The following FBXO42 variants were observed in gnomAD, a reference collection of about 807,000 sequenced individuals.
FBXO42 encodes the protein F-box only protein 42.
FBXO42 carries 12 observed loss-of-function variants against 71.7 expected under a neutral mutation model. The ratio of observed to expected loss-of-function variants is 0.17; its 90% CI spans 0.11 to 0.27. FBXO42 has a LOEUF of 0.27. Among genes scored for constraint, FBXO42 ranks in the 10% least tolerant of loss-of-function variants. FBXO42 has a pLI of 1.00. For synonymous variants in FBXO42, 325 were observed against 327.5 expected, an observed-to-expected ratio of 0.99 and a Z score of 0.08; for missense variants, 707 against 911.9, an observed-to-expected ratio of 0.78 and a Z score of 2.89.
intron 1 of FBXO42, among the ~76,000 whole-genome samples, chr1:16,329,764 A>G (rs2100605776): frequency 6.6e-6 from 1 of 152,126 alleles, no homozygotes; most frequent in Middle Eastern, 3.4e-3. Context: ...CCTGGCCAAC[A>G]TAGTGAAACC....
chr1:16,349,261 C>T (rs1452136724), intron 1 of FBXO42, among the ~76,000 whole-genome samples: 1 of 152,170 alleles, frequency 6.6e-6, no homozygotes, highest in Non-Finnish European at 1.5e-5. Context: ...CCTTCCTTGA[C>T]TCTCTTGGTT....
chr1:16,338,630 A>G (rs1391375900), intron 1 of FBXO42, among the ~76,000 whole-genome samples: 1 of 151,974 alleles, frequency 6.6e-6, no homozygotes, highest in African/African-American at 2.4e-5. Context: ...GCATGGTAAA[A>G]ACAGTGTTTC....
At chr1:16,298,355 T>A (rs937787866) in intron 3 of FBXO42, among the ~76,000 whole-genome samples, 1 of 152,178 alleles carries the variant, frequency 6.6e-6, no homozygotes, top group African/African-American at 2.4e-5. Context: ...ACTCCAGATA[T>A]CCTGGTCCTC....
At chr1:16,339,288 C>T (rs1319808243) in intron 1 of FBXO42, among the ~76,000 whole-genome samples, 2 of 152,018 alleles carry the variant, frequency 1.3e-5, no homozygotes, top group African/African-American at 2.4e-5. Context: ...GACACAATGT[C>T]ACACTATTTC....
At chr1:16,279,003 C>T (rs1245433683) in intron 4 of FBXO42, among the ~76,000 whole-genome samples, 2 of 152,026 alleles carry the variant, frequency 1.3e-5, no homozygotes, top group African/African-American at 2.4e-5. Flanking sequence ...CTCGAACTCC[C>T]GACCTCAGGT....
chr1:16,319,071 C>G (rs1197288774), intron 1 of FBXO42, among the ~76,000 whole-genome samples: 1 of 152,212 alleles, frequency 6.6e-6, no homozygotes, highest in African/African-American at 2.4e-5. Flanking sequence ...CCCCACTTTA[C>G]AAATTTCCAG....
chr1:16,281,458 C>A (rs983933140), intron 4 of FBXO42, among the ~76,000 whole-genome samples: 1 of 150,046 alleles, frequency 6.7e-6, no homozygotes, highest in African/African-American at 2.5e-5. Flanking sequence ...TATTTCTTTT[C>A]TTTTTCTTTT....
chr1:16,317,559 C>T (rs1361607707), intron 1 of FBXO42, among the ~76,000 whole-genome samples: 2 of 151,974 alleles, frequency 1.3e-5, no homozygotes, highest in African/African-American at 4.8e-5. Flanking sequence ...CTGGCCACTG[C>T]ACTCCAGCCT....
At chr1:16,253,036 G>C (rs1353139284) in intron 8 of FBXO42, 60 bp downstream of exon 8, 3 of 1,450,104 alleles carry the variant, frequency 2.1e-6, no homozygotes, top group Non-Finnish European at 2.9e-6. Context: ...GAAGACAGGG[G>C]AAACAGGTTT....
intron 1 of FBXO42, among the ~76,000 whole-genome samples, chr1:16,349,285 T>TTCTTAACACTACATAGCACTTAACG (rs1386256704): frequency 6.6e-6 from 1 of 151,978 alleles, no homozygotes; most frequent in Non-Finnish European, 1.5e-5. Flanking sequence ...TTCAGTGCAC[T>TTCTTAACACTACATAGCACTTAACG]TCTTAACACT....
intron 1 of FBXO42, among the ~76,000 whole-genome samples, chr1:16,338,541 T>C (rs1313429693): frequency 6.6e-6 from 1 of 152,124 alleles, no homozygotes. Flanking sequence ...CTAACTGTTC[T>C]GACTCTAGCC....
intron 2 of FBXO42, 101 bp downstream of exon 2, chr1:16,315,068 C>T (rs2082350730): frequency 1.2e-5 from 16 of 1,308,104 alleles, no homozygotes; most frequent in Middle Eastern, 2.6e-4. Flanking sequence ...GATTTTATAA[C>T]CATAATACAT....
chr1:16,304,838 A>G (rs940169755), intron 3 of FBXO42, among the ~76,000 whole-genome samples: 32 of 152,224 alleles, frequency 2.1e-4, no homozygotes, highest in Middle Eastern at 3.4e-3. Context: ...GTGTGGTGGC[A>G]CACACCAGTA....
intron 4 of FBXO42, among the ~76,000 whole-genome samples, chr1:16,269,171 T>G (rs2081811478): frequency 6.7e-6 from 1 of 149,638 alleles, no homozygotes. Flanking sequence ...GTGGTGCAAT[T>G]TCAGCTCCTG....
In FBXO42 at chr1:16,248,748, C is replaced by T. The variant is rs1255436945; in HGVS notation, c.*1922G>A. ...TTGGCAACAGCACCAGAGCCTGAGT[C>T]GCGAAAGGGAAGTGTGGAGCTCCAA... On this transcript the variant is annotated 3_prime_UTR_variant, in exon 10 of 10. Coordinates refer to ENST00000375592, the MANE Select transcript of FBXO42 (RefSeq NM_018994.3). 1.3e-5 allele frequency: 2 copies of T among 152,210 alleles called. No individual in the cohort carries two copies. Among genetic ancestry groups the T allele is most frequent in the African/African-American group, 4.8e-5 (2 of 41,444 alleles). 9.4% of individuals were successfully genotyped at this position (152,210 alleles called of 1,614,324 possible). A position where few individuals can be genotyped will look rare whatever the true frequency, so the allele number is the denominator to read the frequency against.
At chr1:16,352,021 A>T (rs1192597821) in intron 1 of FBXO42, among the ~76,000 whole-genome samples, 2 of 152,110 alleles carry the variant, frequency 1.3e-5, no homozygotes, top group Non-Finnish European at 2.9e-5. Flanking sequence ...CCTGCTGAGG[A>T]GAGGGGGTGG....
chr1:16,299,031 G>A (rs893262315), intron 3 of FBXO42, among the ~76,000 whole-genome samples: 10 of 150,808 alleles, frequency 6.6e-5, no homozygotes, highest in Admixed American at 5.3e-4. Flanking sequence ...TTTTTTCCTC[G>A]AGACAGAGTC....
At chr1:16,338,804 C>CTTTTTTTTTT (rs71574177) in intron 1 of FBXO42, among the ~76,000 whole-genome samples, 54 of 80,962 alleles carry the variant, frequency 6.7e-4, no homozygotes, top group Non-Finnish European at 9.0e-4. Flanking sequence ...TTCCATTTGT[C>CTTTTTTTTTT]TTTTTTTTTT....
chr1:16,341,925 C>G (rs865897117), intron 1 of FBXO42, among the ~76,000 whole-genome samples: 1 of 143,360 alleles, frequency 7.0e-6, no homozygotes, highest in Admixed American at 7.3e-5. Context: ...GAGCCAAGAT[C>G]GCGTCATTGT....
Sources: allele counts gnomAD v4.1 joint callset (sites outside exome capture counted in the v4.1 genomes callset), GRCh38; gene constraint gnomAD v4.1.1; transcripts MANE v1.5; gene names NCBI Gene and HGNC (gene_info 2026-07-23, HGNC 2026-07-21).